The following SLC35F4 variants were observed in gnomAD, a reference collection of about 807,000 sequenced individuals.
SLC35F4 encodes solute carrier family 35 member F4.
A neutral mutation model predicts 44.2 loss-of-function variants in SLC35F4; 24 were observed. That is an observed-to-expected ratio of 0.54 (90% CI 0.39 to 0.76). The LOEUF is 0.76. Among genes scored for constraint, SLC35F4 ranks in the 30% least tolerant of loss-of-function variants. SLC35F4 has a pLI of 0.00. For synonymous variants in SLC35F4, 238 were observed against 223.6 expected (o/e 1.06, Z -0.57); for missense variants, 562 against 586.1 (o/e 0.96, Z 0.42).
chr14:57,779,967 A>G (rs969349081), intron 1 of SLC35F4, among the ~76,000 whole-genome samples: 22 of 152,196 alleles, frequency 1.4e-4, no homozygotes, highest in African/African-American at 5.3e-4. Context: ...ACAAACCCAC[A>G]GTCAACATCA....
At chr14:57,884,178 C>T (rs1888598358) in intron 1 of SLC35F4, among the ~76,000 whole-genome samples, 1 of 152,162 alleles carries the variant, frequency 6.6e-6, no homozygotes, top group Non-Finnish European at 1.5e-5. Flanking sequence ...AAAGCACTAA[C>T]TATAACTCTT....
chr14:57,760,426 C>A (rs1191667200), intron 1 of SLC35F4, among the ~76,000 whole-genome samples: 1 of 152,130 alleles, frequency 6.6e-6, no homozygotes, highest in East Asian at 1.9e-4. Flanking sequence ...GTTTTTATTA[C>A]TGTACCTTTA....
chr14:57,940,292 G>A (rs547157272), intron 1 of SLC35F4, among the ~76,000 whole-genome samples: 2 of 152,236 alleles, frequency 1.3e-5, no homozygotes, highest in South Asian at 4.1e-4. Context: ...TTTTTGCTAA[G>A]TGTGAGATGG....
chr14:57,952,158 A>G (rs1853854188), intron 1 of SLC35F4, among the ~76,000 whole-genome samples: 1 of 152,150 alleles, frequency 6.6e-6, no homozygotes, highest in Non-Finnish European at 1.5e-5. Context: ...TCTGGAGTGG[A>G]CCTCCAGCAA....
At chr14:57,939,946 A>G (rs1391230975) in intron 1 of SLC35F4, among the ~76,000 whole-genome samples, 5 of 152,242 alleles carry the variant, frequency 3.3e-5, no homozygotes, top group African/African-American at 1.2e-4. Context: ...AGGTTAAGTA[A>G]GGACTAAGAG....
intron 1 of SLC35F4, among the ~76,000 whole-genome samples, chr14:57,794,038 T>C (rs2077994204): frequency 6.6e-6 from 1 of 152,112 alleles, no homozygotes; most frequent in Admixed American, 6.6e-5. Context: ...TTCCTATCTT[T>C]CATCATATAA....
At chr14:57,962,234 A>C (rs1322499210) in intron 1 of SLC35F4, among the ~76,000 whole-genome samples, 16 of 152,218 alleles carry the variant, frequency 1.1e-4, no homozygotes, top group Non-Finnish European at 1.5e-5. Flanking sequence ...TACAGTGAGA[A>C]GAAAAGTACT....
chr14:57,658,019 G>T (rs567762827), intron 1 of SLC35F4, among the ~76,000 whole-genome samples: 24 of 152,274 alleles, frequency 1.6e-4, no homozygotes, highest in African/African-American at 5.8e-4. Context: ...CATGTCAACA[G>T]TGTGCCTGAC....
chr14:57,878,369 T>C (rs1888447229), intron 1 of SLC35F4, among the ~76,000 whole-genome samples: 1 of 152,162 alleles, frequency 6.6e-6, no homozygotes, highest in Admixed American at 6.5e-5. Context: ...ATAACAAACT[T>C]CTGCTTAAAC....
chr14:57,956,617 A>G (rs1890243406), intron 1 of SLC35F4, among the ~76,000 whole-genome samples: 1 of 152,214 alleles, frequency 6.6e-6, no homozygotes, highest in Admixed American at 6.5e-5. Flanking sequence ...AACCCCATGA[A>G]AAAGTGGGCA....
At chr14:57,932,710 A>G (rs1363981557) in intron 1 of SLC35F4, among the ~76,000 whole-genome samples, 1 of 152,086 alleles carries the variant, frequency 6.6e-6, no homozygotes. Context: ...TTAGTTGAGC[A>G]TGGTGGCAGG....
chr14:57,837,180 A>G (rs1375869954), intron 1 of SLC35F4, among the ~76,000 whole-genome samples: 1 of 152,238 alleles, frequency 6.6e-6, no homozygotes, highest in Non-Finnish European at 1.5e-5. Context: ...ATTTAAAATT[A>G]TTTAACACCA....
intron 4 of SLC35F4, among the ~76,000 whole-genome samples, chr14:57,578,072 G>C (rs564146921): frequency 6.7e-6 from 1 of 150,016 alleles, no homozygotes; most frequent in Non-Finnish European, 1.5e-5. Flanking sequence ...CCTACTTGTG[G>C]TCCGGATAAA....
intron 1 of SLC35F4, among the ~76,000 whole-genome samples, chr14:57,667,701 A>C (rs574323719): frequency 6.6e-6 from 1 of 151,790 alleles, no homozygotes; most frequent in African/African-American, 2.4e-5. Flanking sequence ...TCCATGGTGT[A>C]TATGTGCCAC....
chr14:57,743,631 A>G (rs2076678205), intron 1 of SLC35F4, among the ~76,000 whole-genome samples: 1 of 152,214 alleles, frequency 6.6e-6, no homozygotes, highest in African/African-American at 2.4e-5. Flanking sequence ...TTCACAGCCG[A>G]ATTCTACCAG....
At chr14:57,814,149 T>C (rs1050564860) in intron 1 of SLC35F4, among the ~76,000 whole-genome samples, 11 of 152,242 alleles carry the variant, frequency 7.2e-5, no homozygotes, top group African/African-American at 2.7e-4. Flanking sequence ...TTGCATTTGC[T>C]TGCATTTGCT....
chr14:57,975,323 T>C (rs1881184870), downstream of SLC35F4, among the ~76,000 whole-genome samples: 1 of 152,176 alleles, frequency 6.6e-6, no homozygotes, highest in Non-Finnish European at 1.5e-5. Flanking sequence ...CTGAAGGAAG[T>C]TTCTGCTTCT....
At chr14:57,637,790 C>A (rs1449116759) in intron 1 of SLC35F4, among the ~76,000 whole-genome samples, 1 of 152,006 alleles carries the variant, frequency 6.6e-6, no homozygotes, top group Non-Finnish European at 1.5e-5. Context: ...AAAATAAAAT[C>A]CTAATCCCCT....
rs372853133 is a variant in SLC35F4, at chr14:57,653,689, C to G, written c.104-59565G>C. On this transcript the variant is annotated intron_variant, in intron 1 of 7. Transcript: ENST00000556826. Reference sequence around the variant, plus strand: ...AATGTTGATCTGAAGTAAGATATGCCAGGGAGCAGGTGGTGTTTGCTGCCA... The same window carrying G: ...AATGTTGATCTGAAGTAAGATATGCGAGGGAGCAGGTGGTGTTTGCTGCCA... 1.2e-4 allele frequency among the ~76,000 whole-genome samples: 19 copies of G among 152,274 alleles called. 1 individual carries two copies. In the East Asian group the frequency reaches 2.1e-3, roughly 17 times the overall value.
Sources: gnomAD v4.1 joint callset for allele counts (sites outside exome capture counted in the v4.1 genomes callset) on GRCh38, gnomAD v4.1.1 for gene constraint, MANE v1.5 for transcripts, NCBI Gene and HGNC (gene_info 2026-07-23, HGNC 2026-07-21) for gene names.